The following MACO1 variants were observed in gnomAD, a reference collection of about 807,000 sequenced individuals.
MACO1 encodes the protein macoilin.
MACO1 carries 14 observed loss-of-function variants against 78.7 expected under a neutral mutation model. The ratio of observed to expected loss-of-function variants is 0.18; its 90% CI spans 0.12 to 0.28. The LOEUF (loss-of-function observed/expected upper bound fraction) is 0.28, where lower values mean the gene tolerates loss of function less well. Ranked by LOEUF, MACO1 falls within the 10% of genes least tolerant of loss-of-function variation. The pLI, the probability that MACO1 is intolerant of heterozygous loss-of-function variation, is 1.00. For synonymous variants in MACO1, 288 were observed against 291.6 expected (o/e 0.99, Z 0.12); for missense variants, 501 against 799.0 (o/e 0.63, Z 4.50).
chr1:25,456,730 A>C lies in MACO1; in HGVS notation c.551A>C (p.Lys184Thr). The C allele has an allele frequency of 6.2e-7, 1 of 1,614,122 alleles. No individual in the cohort carries two copies. Among genetic ancestry groups the C allele is most frequent in the Non-Finnish European group, 8.5e-7 (1 of 1,180,000 alleles). ...VSYKMRLRKQ[K>T]EVQKENEFYM... ...TACAAAATGCGGTTAAGGAAGCAAA[A>C]AGAAGTACAAAAAGAGAACGAGTTT... Residue 184 changes from lysine to threonine, a missense_variant, in exon 5 of 11, where the codon AAA becomes ACA. Transcript: ENST00000374343.
chr1:25,446,630 TG>T (rs1224009463), intron 1 of MACO1, 131 bp from the exon 2 acceptor site: 6 of 892,928 alleles, frequency 6.7e-6, no homozygotes, highest in Non-Finnish European at 9.6e-6. Flanking sequence ...ATCTCTTTTT[TG>T]TGCTTTATCT....
intron 6 of MACO1, among the ~76,000 whole-genome samples, chr1:25,482,498 A>G (rs78763254): frequency 0.014 from 2,073 of 152,224 alleles, 53 homozygotes; most frequent in African/African-American, 0.048. Flanking sequence ...GCACATGTCT[A>G]TGGCTGTTCC....
chr1:25,460,639 C>T (rs749383680), intron 6 of MACO1, among the ~76,000 whole-genome samples: 4 of 152,006 alleles, frequency 2.6e-5, no homozygotes, highest in East Asian at 1.9e-4. Flanking sequence ...TTAGTAATAG[C>T]GGTCAAGCTA....
At chr1:25,453,828 G>A (rs973348142) in intron 3 of MACO1, among the ~76,000 whole-genome samples, 11 of 151,950 alleles carry the variant, frequency 7.2e-5, no homozygotes, top group Non-Finnish European at 1.2e-4. Flanking sequence ...GCTATTATCT[G>A]TCTTTAAAAA....
chr1:25,436,797 G>A (rs76585745), intron 1 of MACO1, among the ~76,000 whole-genome samples: 1 of 152,210 alleles, frequency 6.6e-6, no homozygotes, highest in South Asian at 2.1e-4. Flanking sequence ...CAAGGCACTT[G>A]TCTTCCCTGG....
intron 1 of MACO1, among the ~76,000 whole-genome samples, chr1:25,435,785 T>C (rs538820752): frequency 2.0e-5 from 3 of 152,324 alleles, no homozygotes; most frequent in African/African-American, 7.2e-5. Flanking sequence ...GAAGGAGAAA[T>C]TGAAATGTTT....
chr1:25,484,321 T>A (rs370545971), intron 7 of MACO1, 47 bp downstream of exon 7: 23 of 1,522,316 alleles, frequency 1.5e-5, no homozygotes, highest in Non-Finnish European at 2.0e-5. Context: ...GCAGCTTCAC[T>A]GCTTCTCCTG....
At chr1:25,464,542 G>A (rs930031943) in intron 6 of MACO1, among the ~76,000 whole-genome samples, 6 of 150,964 alleles carry the variant, frequency 4.0e-5, no homozygotes, top group Non-Finnish European at 8.9e-5. Flanking sequence ...ATGGGGTTTC[G>A]CTATGTTGGC....
In MACO1 at chr1:25,458,890, C is replaced by T. The variant is rs376303529; in HGVS notation, c.1152C>T (p.Val384=). ...NNQLSKPDAL[V]RLEQDIKKLK... Reference sequence around the variant, plus strand: ...AGCTAAGCAAACCAGACGCACTGGTCAGGTAAGTGCACATGCTGCATCCTT... The same window carrying T: ...AGCTAAGCAAACCAGACGCACTGGTTAGGTAAGTGCACATGCTGCATCCTT... Residue 384 remains valine (V), a splice_region_variant and synonymous_variant, in exon 6 of 11, where the codon GTC becomes GTT. Coordinates refer to ENST00000374343, the MANE Select transcript of MACO1 (RefSeq NM_018202.6). 1 of 1,608,732 alleles carries T rather than the reference C, an allele frequency of 6.2e-7. No individual in the cohort carries two copies. The highest frequency in any genetic ancestry group is 8.5e-7 in the Non-Finnish European group (1 of 1,177,186).
chr1:25,443,469 T>C (rs1203704608), intron 1 of MACO1, among the ~76,000 whole-genome samples: 1 of 152,242 alleles, frequency 6.6e-6, no homozygotes, highest in Admixed American at 6.5e-5. Flanking sequence ...TTTTCTTAGA[T>C]ACCTGTACTT....
intron 1 of MACO1, among the ~76,000 whole-genome samples, chr1:25,440,738 A>T (rs1483277452): frequency 2.7e-5 from 4 of 148,668 alleles, no homozygotes; most frequent in Non-Finnish European, 5.9e-5. Flanking sequence ...ATTGCACTCC[A>T]GCCTGGGCGA....
chr1:25,496,589 G>T (rs960236471), intron 10 of MACO1, among the ~76,000 whole-genome samples: 1 of 152,138 alleles, frequency 6.6e-6, no homozygotes, highest in Non-Finnish European at 1.5e-5. Context: ...GAACAAAGTG[G>T]TCCTGGGTTT....
chr1:25,465,841 C>G (rs2043214754), intron 6 of MACO1, among the ~76,000 whole-genome samples: 1 of 152,216 alleles, frequency 6.6e-6, no homozygotes, highest in South Asian at 2.1e-4. Context: ...TTAGCACCCA[C>G]TTATGAGTAC....
chr1:25,471,341 C>T (rs74887735), intron 6 of MACO1, among the ~76,000 whole-genome samples: 1 of 125,172 alleles, frequency 8.0e-6, no homozygotes, highest in Non-Finnish European at 1.8e-5. Flanking sequence ...TCTGTCTCAA[C>T]AAAAAAAAAA....
Position 25,491,553 on chromosome 1 carries a change from C to T in MACO1, c.1761C>T (p.Gly587=), listed in dbSNP as rs145737519. The change falls in exon 10 of 11, where the codon GGC becomes GGT. Residue 587 remains glycine (G), a synonymous_variant. Coordinates refer to ENST00000374343, the MANE Select transcript of MACO1 (RefSeq NM_018202.6). ...AGCTGGACCTGTTCTCCGCACTGGGCGATGCAAAGCGGCAGCTCGAGATTG... is the reference window on the plus strand; with the variant it reads ...AGCTGGACCTGTTCTCCGCACTGGGTGATGCAAAGCGGCAGCTCGAGATTG... ...RIKLDLFSAL[G]DAKRQLEIAQ... The T allele has an allele frequency of 8.9e-5, 143 of 1,614,170 alleles. No homozygotes were observed. In the African/African-American group the frequency reaches 1.5e-3, roughly 17 times the overall value.
At chr1:25,484,027 A>G in intron 6 of MACO1, 89 bp from the exon 7 acceptor site, 3 of 1,359,558 alleles carry the variant, frequency 2.2e-6, no homozygotes, top group South Asian at 3.1e-5. Flanking sequence ...TCTGCCATTC[A>G]CCCAGCAGTC....
chr1:25,439,319 TC>T (rs2042947185), intron 1 of MACO1, among the ~76,000 whole-genome samples: 1 of 151,276 alleles, frequency 6.6e-6, no homozygotes, highest in East Asian at 2.0e-4. Flanking sequence ...TCGCTTGAGC[TC>T]AGGAGTTGGA....
At chr1:25,458,291 T>G (rs527435078) in intron 5 of MACO1, 100 bp from the exon 6 acceptor site, 1 of 1,465,012 alleles carries the variant, frequency 6.8e-7, no homozygotes. Flanking sequence ...TGTGAATTTC[T>G]TAAGTGTAGA....
intron 6 of MACO1, among the ~76,000 whole-genome samples, chr1:25,483,662 G>C (rs929860952): frequency 6.6e-6 from 1 of 152,162 alleles, no homozygotes; most frequent in Non-Finnish European, 1.5e-5. Flanking sequence ...TAGGCCCATG[G>C]TGGGACGCAG....
Sources: gnomAD v4.1 joint callset for allele counts (sites outside exome capture counted in the v4.1 genomes callset) on GRCh38, gnomAD v4.1.1 for gene constraint, MANE v1.5 for transcripts, NCBI Gene and HGNC (gene_info 2026-07-23, HGNC 2026-07-21) for gene names.